The following ATP6V0A4 variants were observed in gnomAD, a reference collection of about 807,000 sequenced individuals.
The protein encoded by ATP6V0A4 is ATPase H+ transporting V0 subunit a4.
ATP6V0A4 carries 86 observed loss-of-function variants against 107.3 expected under a neutral mutation model. That is an observed-to-expected ratio of 0.80 (90% CI 0.67 to 0.96). The LOEUF (loss-of-function observed/expected upper bound fraction) is 0.96, where lower values mean the gene tolerates loss of function less well. Among genes scored for constraint, ATP6V0A4 ranks in the 40% least tolerant of loss-of-function variants. The pLI, the probability that ATP6V0A4 is intolerant of heterozygous loss-of-function variation, is 0.00. For synonymous variants in ATP6V0A4, 353 were observed against 381.4 expected (o/e 0.93, Z 0.87); for missense variants, 908 against 1,045.6 (o/e 0.87, Z 1.81).
At chr7:138,739,418 G>A in intron 15 of ATP6V0A4, 122 bp downstream of exon 15, 1 of 1,265,420 alleles carries the variant, frequency 7.9e-7, no homozygotes, top group Non-Finnish European at 1.1e-6. Flanking sequence ...GTCAGCAGAA[G>A]TTATTTTATC....
At chr7:138,740,661 C>T (rs963018393) in intron 14 of ATP6V0A4, among the ~76,000 whole-genome samples, 4 of 150,894 alleles carry the variant, frequency 2.7e-5, no homozygotes, top group Non-Finnish European at 4.4e-5. Context: ...AGGCTGGTCT[C>T]GAACTCCTGA....
intron 20 of ATP6V0A4, among the ~76,000 whole-genome samples, chr7:138,711,523 C>T (rs954752031): frequency 3.9e-5 from 6 of 152,180 alleles, no homozygotes; most frequent in African/African-American, 1.4e-4. Flanking sequence ...AGACACAGGC[C>T]TGCCACTTGC....
chr7:138,745,393 G>A (rs1355445393), intron 13 of ATP6V0A4, 113 bp from the exon 14 acceptor site: 9 of 1,490,422 alleles, frequency 6.0e-6, no homozygotes, highest in Non-Finnish European at 7.4e-6. Flanking sequence ...CCTTGGGGGA[G>A]CCACATGACC....
At chr7:138,727,861 T>C (rs1353547219) in intron 18 of ATP6V0A4, among the ~76,000 whole-genome samples, 1 of 152,150 alleles carries the variant, frequency 6.6e-6, no homozygotes, top group Non-Finnish European at 1.5e-5. Context: ...CAGGCTGATA[T>C]TAAACTCTGC....
At chr7:138,766,474 G>A (rs1807099192) in intron 5 of ATP6V0A4, among the ~76,000 whole-genome samples, 1 of 152,106 alleles carries the variant, frequency 6.6e-6, no homozygotes, top group African/African-American at 2.4e-5. Flanking sequence ...CCAAAGTGCT[G>A]GGATTACAGG....
At chr7:138,717,170 G>A (rs954857412) in intron 19 of ATP6V0A4, among the ~76,000 whole-genome samples, 1 of 152,166 alleles carries the variant, frequency 6.6e-6, no homozygotes, top group African/African-American at 2.4e-5. Flanking sequence ...TGGGAGCTCA[G>A]GTGGAACTAC....
chr7:138,763,190 C>T (rs980635537), intron 5 of ATP6V0A4, 165 bp from the exon 6 acceptor site: 3 of 293,114 alleles, frequency 1.0e-5, no homozygotes, highest in Non-Finnish European at 1.5e-5. Context: ...CACACAGACA[C>T]ACACACACAC....
In ATP6V0A4 at chr7:138,762,378, C is replaced by G; in HGVS notation, c.474G>C (p.Glu158Asp). ...TCATATATGCAGGCACTGCTTTCAA[C>G]TCCAGGAGGCCAGAAGTGTCCTCAG... is the stretch of plus-strand genomic sequence containing the variant. ...FFTEDTSGLL[E>D]LKAVPAYMTG... Residue 158 changes from glutamate to aspartate, a missense_variant, in exon 7 of 22, where the codon GAG (glutamate) becomes GAC (aspartate). Glu to Asp is a conservative substitution (Grantham distance 45). Transcript: ENST00000310018. The G allele has an allele frequency of 1.2e-6, 2 of 1,614,208 alleles. No individual in the cohort carries two copies. The highest frequency in any genetic ancestry group is 1.7e-6 in the Non-Finnish European group (2 of 1,180,040).
chr7:138,755,188 G>A (rs902865573), intron 10 of ATP6V0A4, among the ~76,000 whole-genome samples: 3 of 152,232 alleles, frequency 2.0e-5, no homozygotes, highest in Non-Finnish European at 4.4e-5. Flanking sequence ...TCATAAGTGT[G>A]TTGAGTGACC....
rs1807480176 is a variant in ATP6V0A4, at chr7:138,773,128, C to T, written c.-17-1864G>A. 6.6e-6 allele frequency among the ~76,000 whole-genome samples: 1 copy of T among 152,162 alleles called. No homozygotes were observed. The highest frequency in any genetic ancestry group is 6.5e-5 in the Admixed American group (1 of 15,286). Reference sequence around the variant, plus strand: ...CAGAGTATCTACTGTGTGCTCGATACTGGGCCTACCCATTGTCCCAGTTTC... The same window carrying T: ...CAGAGTATCTACTGTGTGCTCGATATTGGGCCTACCCATTGTCCCAGTTTC... On this transcript the variant is annotated intron_variant, in intron 2 of 21. Transcript: ENST00000310018. The surrounding 1 kb of genome is among the most constrained non-coding windows in gnomAD (Gnocchi z 5.4).
chr7:138,783,053 G>A (rs1807994656), intron 2 of ATP6V0A4, among the ~76,000 whole-genome samples: 1 of 151,878 alleles, frequency 6.6e-6, no homozygotes, highest in Non-Finnish European at 1.5e-5. Context: ...GCAGCCTGGG[G>A]GACAGAGCAA....
chr7:138,728,668 GC>G, intron 18 of ATP6V0A4, 92 bp downstream of exon 18: 1 of 1,546,862 alleles, frequency 6.5e-7, no homozygotes, highest in Non-Finnish European at 8.9e-7. Flanking sequence ...GGCCCTGGCA[GC>G]CCAGGACGAT....
chr7:138,740,275 T>TG (rs990784039), intron 14 of ATP6V0A4, among the ~76,000 whole-genome samples: 1 of 152,030 alleles, frequency 6.6e-6, no homozygotes, highest in African/African-American at 2.4e-5. Flanking sequence ...CAGGGAACAC[T>TG]GGGGCTGCTT....
intron 17 of ATP6V0A4, among the ~76,000 whole-genome samples, chr7:138,731,899 TAAAA>T (rs1491377788): frequency 8.2e-6 from 1 of 121,502 alleles, no homozygotes; most frequent in South Asian, 2.4e-4. Context: ...TCTCCAAAAA[TAAAA>T]ATAAATAAAT....
chr7:138,783,286 C>G (rs1409822666), intron 2 of ATP6V0A4, among the ~76,000 whole-genome samples: 1 of 151,784 alleles, frequency 6.6e-6, no homozygotes, highest in Non-Finnish European at 1.5e-5. Flanking sequence ...AAATGGGAAC[C>G]ATGGCTGCGT....
At chr7:138,784,223 T>TATATATACAC (rs1425542311) in intron 2 of ATP6V0A4, among the ~76,000 whole-genome samples, 1,097 of 87,156 alleles carry the variant, frequency 0.013, 37 homozygotes, top group African/African-American at 0.065. Flanking sequence ...ATTATATATA[T>TATATATACAC]ATATATATAT....
At chr7:138,727,021 T>C (rs1804756157) in intron 18 of ATP6V0A4, among the ~76,000 whole-genome samples, 1 of 150,128 alleles carries the variant, frequency 6.7e-6, no homozygotes, top group Admixed American at 6.8e-5. Context: ...TCTTGGCTTA[T>C]GGACAGATTT....
intron 2 of ATP6V0A4, among the ~76,000 whole-genome samples, chr7:138,780,467 A>T (rs1303362858): frequency 6.6e-6 from 1 of 151,782 alleles, no homozygotes; most frequent in Non-Finnish European, 1.5e-5. Context: ...CAGTCTATGG[A>T]CCCCCCAGTA....
chr7:138,737,410 G>A (rs1471948117), intron 15 of ATP6V0A4, among the ~76,000 whole-genome samples: 1 of 151,322 alleles, frequency 6.6e-6, no homozygotes, highest in Non-Finnish European at 1.5e-5. Context: ...ATCATTGTGT[G>A]GCCTCCCCAC....
Sources: allele counts gnomAD v4.1 joint callset (sites outside exome capture counted in the v4.1 genomes callset), GRCh38; gene constraint gnomAD v4.1.1; non-coding constraint Gnocchi (gnomAD v3.1); transcripts MANE v1.5; gene names NCBI Gene and HGNC (gene_info 2026-07-23, HGNC 2026-07-21).